The following SEC31A variants were observed in gnomAD, a reference collection of about 807,000 sequenced individuals.
The protein encoded by SEC31A is protein transport protein Sec31A.
In SEC31A, 70 loss-of-function variants were observed where a neutral mutation model predicts 151.0. The observed-to-expected ratio is 0.46, with a 90% CI of 0.38 to 0.57. SEC31A has a LOEUF of 0.57. Ranked by LOEUF, SEC31A falls within the 20% of genes least tolerant of loss-of-function variation. SEC31A has a pLI of 0.00. For missense variants in SEC31A, 1,330 were observed against 1,471.2 expected (o/e 0.90, Z 1.57); for synonymous variants, 475 against 505.9 (o/e 0.94, Z 0.82).
chr4:82,872,107 C>T (rs1280107541), intron 6 of SEC31A, 21 bp from the exon 7 acceptor site: 3 of 1,582,430 alleles, frequency 1.9e-6, no homozygotes, highest in East Asian at 2.2e-5. Flanking sequence ...TTAAGGTTCA[C>T]ATTTTATGAA....
chr4:82,876,700 C>G (rs1214434794), intron 4 of SEC31A, among the ~76,000 whole-genome samples: 1 of 152,024 alleles, frequency 6.6e-6, no homozygotes. Context: ...CTGGTACATA[C>G]CTTAAGGGTC....
intron 10 of SEC31A, among the ~76,000 whole-genome samples, chr4:82,865,614 A>G (rs1157814924): frequency 6.6e-6 from 1 of 151,258 alleles, no homozygotes; most frequent in Non-Finnish European, 1.5e-5. Flanking sequence ...CTCTAAAAAG[A>G]AGTAAATTCT....
intron 24 of SEC31A, among the ~76,000 whole-genome samples, chr4:82,826,024 G>C (rs1266547049): frequency 2.6e-5 from 4 of 152,136 alleles, no homozygotes; most frequent in Non-Finnish European, 5.9e-5. Flanking sequence ...ATTAGGTTTT[G>C]GACATGCTGA....
Position 82,880,802 on chromosome 4 carries a change from T to C in SEC31A, c.200A>G (p.His67Arg), listed in dbSNP as rs371981679. 1.4e-5 allele frequency: 23 copies of C among 1,610,022 alleles called. No homozygotes were observed. The African/African-American group carries it at 2.7e-4, about 19-fold the overall frequency. Residue 67 changes from histidine (H) to arginine (R), a missense_variant, in exon 3 of 27, where the codon CAC becomes CGC. Transcript: ENST00000395310. ...MKSCATFSSS[H>R]RYHKLIWGPY... ...AATTTAAAGCTGAACCTCATACCTG[T>C]GAGAAGAGGAGAATGTGGCACAAGA...
intron 17 of SEC31A, among the ~76,000 whole-genome samples, chr4:82,854,331 C>G (rs1001030229): frequency 1.3e-5 from 2 of 148,558 alleles, no homozygotes; most frequent in African/African-American, 5.0e-5. Context: ...CCATCGCACT[C>G]CAGCCTGGGC....
intron 23 of SEC31A, 76 bp downstream of exon 23, chr4:82,828,924 A>G (rs1017505059): frequency 9.0e-7 from 1 of 1,110,938 alleles, no homozygotes; most frequent in Non-Finnish European, 1.4e-6. Context: ...GGATCAGTGA[A>G]GTATAGTGTG....
At position 82,819,263 on chromosome 4, in the gene SEC31A, A is replaced by C; in HGVS notation, c.3484-10T>G. The stretch of plus-strand genomic sequence containing the variant: ...TGATTGTTGGTGAAAGCTGAAACAA[A>C]AGTGAACCAAGAGAAAGAATTAAAT... On this transcript the variant is annotated splice_polypyrimidine_tract_variant and intron_variant, in intron 26 of 26. Coordinates refer to ENST00000395310, the MANE Select transcript of SEC31A (RefSeq NM_001077207.4). The C allele has an allele frequency of 6.4e-7, 1 of 1,550,674 alleles. No homozygotes were observed. Among genetic ancestry groups the C allele is most frequent in the Non-Finnish European group, 8.7e-7 (1 of 1,147,396 alleles).
rs1300100631 is a variant in SEC31A at position 82,891,129 on chromosome 4, C to G, written c.-46G>C. The G allele has an allele frequency of 6.5e-7, 1 of 1,535,816 alleles. No homozygotes were observed. The highest frequency in any genetic ancestry group is 1.4e-5 in the African/African-American group (1 of 73,032). On this transcript the variant is annotated 5_prime_UTR_variant, in exon 1 of 27. Coordinates refer to ENST00000395310, the MANE Select transcript of SEC31A (RefSeq NM_001077207.4). ...GCAGCCGGATCCTGCGTTAGTGCAGCGCTCGTCGGACTCTCCCAGCATTCG... is the reference window on the plus strand; with the variant it reads ...GCAGCCGGATCCTGCGTTAGTGCAGGGCTCGTCGGACTCTCCCAGCATTCG...
intron 13 of SEC31A, 44 bp downstream of exon 13, chr4:82,862,490 T>C (rs760261859): frequency 2.6e-6 from 4 of 1,524,996 alleles, no homozygotes; most frequent in South Asian, 1.1e-5. Context: ...CGTTATGACC[T>C]AGCCAAAGTT....
intron 3 of SEC31A, among the ~76,000 whole-genome samples, chr4:82,899,162 G>A (rs541186751): frequency 1.3e-4 from 20 of 152,312 alleles, no homozygotes; most frequent in Admixed American, 1.2e-3. Flanking sequence ...AGCAGGCAGA[G>A]GCACACGGAA....
chr4:82,828,025 G>A (rs1439552149), intron 23 of SEC31A, among the ~76,000 whole-genome samples: 4 of 151,484 alleles, frequency 2.6e-5, no homozygotes, highest in Non-Finnish European at 4.4e-5. Flanking sequence ...AGCAATTCTC[G>A]TGCCTCAGCC....
chr4:82,897,399 A>G (rs78527650), intron 3 of SEC31A, among the ~76,000 whole-genome samples: 90 of 152,336 alleles, frequency 5.9e-4, no homozygotes, highest in African/African-American at 2.1e-3. Context: ...TCGGCAACAC[A>G]AAAGGGTAGG....
At position 82,888,300 on chromosome 4, in the gene SEC31A, C is replaced by T. The variant is rs1176742491; in HGVS notation, c.-5+2788G>A. Among the ~76,000 whole-genome samples, 14 of 119,534 alleles carry T rather than the reference C, an allele frequency of 1.2e-4. 2 individuals carry two copies. The South Asian group carries it at 3.9e-3, about 33-fold the overall frequency. 78.4% of individuals were successfully genotyped at this position (119,534 alleles called of 152,430 possible). On this transcript the variant is annotated intron_variant, in intron 1 of 26. Coordinates refer to ENST00000395310, the MANE Select transcript of SEC31A (RefSeq NM_001077207.4). Reference sequence around the variant, plus strand: ...CCGAGGCAGAAGAATCGCTTGAACCCGGGAGGCAGAGGTTGCAGTAAGCCT... The same window carrying T: ...CCGAGGCAGAAGAATCGCTTGAACCTGGGAGGCAGAGGTTGCAGTAAGCCT...
In SEC31A at chr4:82,878,915, T is replaced by C. The variant is rs1160052560; in HGVS notation, c.217A>G (p.Ile73Val). 6.2e-7 allele frequency: 1 copy of C among 1,613,052 alleles called. No individual in the cohort carries two copies. The highest frequency in any genetic ancestry group is 8.5e-7 in the Non-Finnish European group (1 of 1,179,120). The change falls in exon 4 of 27, where the codon ATT becomes GTT. Residue 73 changes from isoleucine to valine, a missense_variant. Transcript: ENST00000395310. ...GAATCCATTTTATAAGGCCCCCAAA[T>C]CAACTTGTGGTACCTACAGGAGAAA... ...FSSSHRYHKL[I>V]WGPYKMDSKG...
intron 6 of SEC31A, among the ~76,000 whole-genome samples, chr4:82,873,655 TTTG>T (rs1299597037): frequency 6.6e-5 from 10 of 152,204 alleles, no homozygotes; most frequent in African/African-American, 2.2e-4. Flanking sequence ...CAAATAGTTT[TTTG>T]TTGTTATTGT....
Position 82,835,369 on chromosome 4 carries a change from T to C in SEC31A, c.2969-6311A>G, listed in dbSNP as rs188462985. Among the ~76,000 whole-genome samples the C allele has an allele frequency of 1.4e-3, 217 of 152,314 alleles. 3 individuals carry two copies. Among genetic ancestry groups the C allele is most frequent in the Admixed American group, 0.013 (200 of 15,300 alleles). On this transcript the variant is annotated intron_variant, in intron 22 of 26. Transcript: ENST00000395310. Reference sequence around the variant, plus strand: ...CTTGAACAGAAATGTTTCAGAAAACTGAAGAGGAAATAATCCTCCCCTATC... The same window carrying C: ...CTTGAACAGAAATGTTTCAGAAAACCGAAGAGGAAATAATCCTCCCCTATC...
intron 8 of SEC31A, among the ~76,000 whole-genome samples, chr4:82,867,728 G>A (rs1275769864): frequency 1.3e-5 from 2 of 152,084 alleles, no homozygotes; most frequent in African/African-American, 2.4e-5. Context: ...CACCTCCTGG[G>A]CTCAAGCAAC....
chr4:82,845,097 T>G, intron 20 of SEC31A: 1 of 711,348 alleles, frequency 1.4e-6, no homozygotes, highest in Non-Finnish European at 2.3e-6. Context: ...GGCAGATGGA[T>G]GGGGAGTGGG....
chr4:82,821,607 T>C, intron 25 of SEC31A, among the ~76,000 whole-genome samples: 1 of 139,992 alleles, frequency 7.1e-6, no homozygotes, highest in East Asian at 2.2e-4. Context: ...AGATCAATCA[T>C]CTATCAAGGG....
Sources: allele counts gnomAD v4.1 joint callset (sites outside exome capture counted in the v4.1 genomes callset), GRCh38; gene constraint gnomAD v4.1.1; transcripts MANE v1.5; gene names NCBI Gene and HGNC (gene_info 2026-07-23, HGNC 2026-07-21).